Variants in JAKMIP1 observed in about 807,000 individuals in gnomAD.
The protein encoded by JAKMIP1 is janus kinase and microtubule-interacting protein 1.
Under a neutral mutation model 113.0 loss-of-function variants are expected in JAKMIP1, and 33 were observed. That is an observed-to-expected ratio of 0.29 (90% confidence interval 0.22 to 0.39). The LOEUF (loss-of-function observed/expected upper bound fraction) is 0.39. Among genes scored for constraint, JAKMIP1 ranks in the 10% least tolerant of loss-of-function variants. The probability of loss-of-function intolerance (pLI) is 1.00; values close to 1 mark genes in which losing one functional copy is unlikely to be tolerated. For missense variants in JAKMIP1, 813 were observed against 1,080.5 expected (o/e 0.75, Z 3.47); for synonymous variants, 480 against 459.9 (o/e 1.04, Z -0.56).
In JAKMIP1 at chr4:6,116,700, C is replaced by T. The variant is rs1437008481; in HGVS notation, c.-147-3703G>A. Among the ~76,000 whole-genome samples the T allele has an allele frequency of 6.6e-6, 1 of 152,150 alleles. No homozygotes were observed. Among genetic ancestry groups the T allele is most frequent in the Non-Finnish European group, 1.5e-5 (1 of 68,038 alleles). On this transcript the variant is annotated intron_variant, in intron 1 of 20. Coordinates refer to ENST00000409021, the MANE Select transcript of JAKMIP1 (RefSeq NM_001099433.2). The surrounding 1 kb of genome is among the most constrained non-coding windows in gnomAD (Gnocchi z 5.1). ...AGTGCCGGTGCCCTTTAACTGCCTA[C>T]AGGAAATTAATATACCGGGCATGCA...
chr4:6,052,105 G>T (rs762876191), intron 13 of JAKMIP1, among the ~76,000 whole-genome samples: 2 of 151,854 alleles, frequency 1.3e-5, no homozygotes, highest in Non-Finnish European at 2.9e-5. Context: ...AAGAGGGAGG[G>T]CTGGGCACTA....
In JAKMIP1 at chr4:6,098,592, A is replaced by AAG. The variant is rs1560180225; in HGVS notation, c.624+6879_624+6880dup. Among the ~76,000 whole-genome samples, 111 of 144,266 alleles carry AAG rather than the reference A, an allele frequency of 7.7e-4. 1 individual carries two copies. Among genetic ancestry groups the AAG allele is most frequent in the Middle Eastern group, 3.6e-3 (1 of 278 alleles). 94.6% of individuals were successfully genotyped at this position (144,266 alleles called of 152,430 possible). On this transcript the variant is annotated intron_variant, in intron 3 of 20. Transcript: ENST00000409021. ...AAAGAAAGAAAGAAAGAAGGAAAGG[A>AAG]AGAAAGAAAGGAAGAAAAGAAAGAA...
At chr4:6,054,652 T>C (rs66499852) in intron 12 of JAKMIP1, 94,180 of 434,464 alleles carry the variant, frequency 0.22, 17,714 homozygotes, top group African/African-American at 0.71. Context: ...GCAGGAGTTC[T>C]CTGAGAGCGC....
chr4:6,147,910 C>T (rs1002163475), intron 1 of JAKMIP1, among the ~76,000 whole-genome samples: 1 of 152,244 alleles, frequency 6.6e-6, no homozygotes, highest in Non-Finnish European at 1.5e-5. Context: ...TTCATTGAGC[C>T]TCCCCTCTGT....
chr4:6,094,248 G>A lies in JAKMIP1; in HGVS notation c.625-8619C>T, dbSNP rs904501607. Among the ~76,000 whole-genome samples, 3 of 152,176 alleles carry A rather than the reference G, an allele frequency of 2.0e-5. No homozygotes were observed. The highest frequency in any genetic ancestry group is 4.4e-5 in the Non-Finnish European group (3 of 68,036). On this transcript the variant is annotated intron_variant, in intron 3 of 20. Coordinates refer to ENST00000409021, the MANE Select transcript of JAKMIP1 (RefSeq NM_001099433.2). The surrounding 1 kb of genome is among the most constrained non-coding windows in gnomAD (Gnocchi z 4.2). ...TAGCCCTGGGTCTAGCTCACAGCAG[G>A]TGCTCACCAAATGGAGTGCCCGGAA...
chr4:6,063,571 T>C (rs17766228), intron 9 of JAKMIP1, among the ~76,000 whole-genome samples: 80,060 of 151,908 alleles, frequency 0.53, 23,984 homozygotes, highest in African/African-American at 0.83. Context: ...TCTCTCCCAG[T>C]GTGAGAAAGG....
chr4:6,041,969 C>G (rs933593965), intron 17 of JAKMIP1, among the ~76,000 whole-genome samples, 190 bp downstream of exon 17: 1 of 152,124 alleles, frequency 6.6e-6, no homozygotes, highest in Admixed American at 6.6e-5. Flanking sequence ...AATATGTATT[C>G]GATGAGTAAT....
At chr4:6,119,707 T>C (rs571806621) in intron 1 of JAKMIP1, among the ~76,000 whole-genome samples, 2 of 152,214 alleles carry the variant, frequency 1.3e-5, no homozygotes, top group Non-Finnish European at 2.9e-5. Flanking sequence ...GAAACCACAA[T>C]GCCTCCCGGC....
rs1362429770 is a variant in JAKMIP1 at position 6,080,579 on chromosome 4, G to C, written c.1102-267C>G. On this transcript the variant is annotated intron_variant, in intron 6 of 20. Coordinates refer to ENST00000409021, the MANE Select transcript of JAKMIP1 (RefSeq NM_001099433.2). This position sits in a 1 kb window ranked among gnomAD's most constrained non-coding sequence, Gnocchi z 6.0. ...TCTCTCATACTATTCTCGTGGTTGT[G>C]AATAAGTCTCTGATGTTTTTATAAG... Among the ~76,000 whole-genome samples, 2 of 152,140 alleles carry C rather than the reference G, an allele frequency of 1.3e-5. No individual in the cohort carries two copies. Among genetic ancestry groups the C allele is most frequent in the Non-Finnish European group, 2.9e-5 (2 of 68,032 alleles).
At chr4:6,028,369 C>T (rs530344365) in intron 20 of JAKMIP1, among the ~76,000 whole-genome samples, 1 of 152,356 alleles carries the variant, frequency 6.6e-6, no homozygotes, top group East Asian at 1.9e-4. Flanking sequence ...CCCGCCCCTG[C>T]GCACAGATCC....
rs981065685 is a variant in JAKMIP1 at position 6,116,461 on chromosome 4, C to T, written c.-147-3464G>A. Among the ~76,000 whole-genome samples, 6 of 152,162 alleles carry T rather than the reference C, an allele frequency of 3.9e-5. No homozygotes were observed. Among genetic ancestry groups the T allele is most frequent in the South Asian group, 2.1e-4 (1 of 4,822 alleles). On this transcript the variant is annotated intron_variant, in intron 1 of 20. Transcript: ENST00000409021. This position sits in a 1 kb window ranked among gnomAD's most constrained non-coding sequence, Gnocchi z 5.1. ...ATGACTGCTCAGGACACACAGGAGG[C>T]GGAGTCCTCAGAGAAGGCTCCTTCC...
chr4:6,077,901 C>T (rs970347863), intron 8 of JAKMIP1, among the ~76,000 whole-genome samples: 2 of 152,098 alleles, frequency 1.3e-5, no homozygotes, highest in African/African-American at 2.4e-5. Context: ...GCCATCGGTC[C>T]ACCTTCTTAT....
rs570649393 is a variant in JAKMIP1 at position 6,155,660 on chromosome 4, A to C, written c.-147-42663T>G. Among the ~76,000 whole-genome samples, 1 of 152,256 alleles carries C rather than the reference A, an allele frequency of 6.6e-6. No homozygotes were observed. On this transcript the variant is annotated intron_variant, in intron 1 of 20. Coordinates refer to ENST00000409021, the MANE Select transcript of JAKMIP1 (RefSeq NM_001099433.2). This position sits in a 1 kb window ranked among gnomAD's most constrained non-coding sequence, Gnocchi z 6.1. ...CGGATGTGCTGTTTACAACAAGGAA[A>C]ATAAGCAGCCAACTAAATATTTGCT...
At chr4:6,034,630 C>T (rs112868229) in intron 19 of JAKMIP1, among the ~76,000 whole-genome samples, 2,277 of 152,152 alleles carry the variant, frequency 0.015, 52 homozygotes, top group African/African-American at 0.051. Flanking sequence ...GGAGAAACGC[C>T]GTCTCTACTA....
At chr4:6,119,671 C>T (rs1395798593) in intron 1 of JAKMIP1, among the ~76,000 whole-genome samples, 1 of 152,244 alleles carries the variant, frequency 6.6e-6, no homozygotes, top group Non-Finnish European at 1.5e-5. Flanking sequence ...CCTTGCCCCT[C>T]TCCACACTGT....
chr4:6,037,642 G>A (rs1474007557), intron 18 of JAKMIP1, among the ~76,000 whole-genome samples: 1 of 147,186 alleles, frequency 6.8e-6, no homozygotes, highest in Admixed American at 6.7e-5. Context: ...CCGAGGCAGA[G>A]GTTAACCCAG....
In JAKMIP1 at chr4:6,059,707, C is replaced by A. The variant is rs1165610960; in HGVS notation, c.1644+717G>T. On this transcript the variant is annotated intron_variant, in intron 11 of 20. Transcript: ENST00000409021. This position sits in a 1 kb window ranked among gnomAD's most constrained non-coding sequence, Gnocchi z 4.8. The stretch of plus-strand genomic sequence containing the variant: ...ATCCCTGAGAGGCCCTTGGGAGAAA[C>A]AGGAGTGTGAACAGAATACACCTTG... 6.6e-6 allele frequency among the ~76,000 whole-genome samples: 1 copy of A among 152,048 alleles called. No individual in the cohort carries two copies. Among genetic ancestry groups the A allele is most frequent in the Admixed American group, 6.6e-5 (1 of 15,266 alleles).
Position 6,162,663 on chromosome 4 carries a change from G to T in JAKMIP1, c.-148+37590C>A, listed in dbSNP as rs904538602. 6.6e-6 allele frequency among the ~76,000 whole-genome samples: 1 copy of T among 152,136 alleles called. No individual in the cohort carries two copies. The highest frequency in any genetic ancestry group is 2.4e-5 in the African/African-American group (1 of 41,438). On this transcript the variant is annotated intron_variant, in intron 1 of 20. Coordinates refer to ENST00000409021, the MANE Select transcript of JAKMIP1 (RefSeq NM_001099433.2). This position sits in a 1 kb window ranked among gnomAD's most constrained non-coding sequence, Gnocchi z 5.6. ...CATCTGTTAGCTCCTTAACTGTCAC[G>T]ACAACCTGTTAAGGGCACAGCATTA...
chr4:6,102,721 A>ATTTTT (rs1560188201), intron 3 of JAKMIP1, among the ~76,000 whole-genome samples: 2 of 79,652 alleles, frequency 2.5e-5, no homozygotes, highest in African/African-American at 1.0e-4. Flanking sequence ...CTCTCTAAAG[A>ATTTTT]CTTTTTTTTT....
Sources: allele counts gnomAD v4.1 joint callset (sites outside exome capture counted in the v4.1 genomes callset), GRCh38; gene constraint gnomAD v4.1.1; non-coding constraint Gnocchi (gnomAD v3.1); transcripts MANE v1.5; gene names NCBI Gene and HGNC (gene_info 2026-07-23, HGNC 2026-07-21).